The following DYNC2H1 variants were observed in gnomAD, a reference collection of about 807,000 sequenced individuals.
DYNC2H1 encodes dynein cytoplasmic 2 heavy chain 1, also known as cytoplasmic dynein 2 heavy chain 1.
In DYNC2H1, 410 loss-of-function variants were observed where a neutral mutation model predicts 570.0. The ratio of observed to expected loss-of-function variants is 0.72; its 90% CI spans 0.66 to 0.78. DYNC2H1 has a LOEUF of 0.78. Ranked by LOEUF, DYNC2H1 falls within the 30% of genes least tolerant of loss-of-function variation. The pLI is 0.00. For missense variants in DYNC2H1, 4,865 were observed against 5,046.4 expected (o/e 0.96, Z 1.09); for synonymous variants, 1,688 against 1,677.6 (o/e 1.01, Z -0.15).
At chr11:103,301,631 A>C (rs1867051115) in intron 75 of DYNC2H1, among the ~76,000 whole-genome samples, 1 of 151,976 alleles carries the variant, frequency 6.6e-6, no homozygotes, top group African/African-American at 2.4e-5. Flanking sequence ...CTCTTGGAGT[A>C]AATTTCACCT....
intron 70 of DYNC2H1, among the ~76,000 whole-genome samples, chr11:103,273,634 A>G (rs188721851): frequency 6.6e-6 from 1 of 152,138 alleles, no homozygotes; most frequent in Non-Finnish European, 1.5e-5. Context: ...TTATAATGTT[A>G]TTGTTAAATA....
intron 84 of DYNC2H1, among the ~76,000 whole-genome samples, chr11:103,411,624 A>T (rs1366871630): frequency 6.6e-6 from 1 of 152,128 alleles, no homozygotes; most frequent in African/African-American, 2.4e-5. Context: ...ATAAAGAACA[A>T]AAAGGGCTTA....
Position 103,336,987 on chromosome 11 carries a change from A to T in DYNC2H1, c.12039+12997A>T, listed in dbSNP as rs529390868. ...AACAAAATCTCTGCAGCACTGTGACATGTTCGTGATGGCCATGACGCCCAC... is the reference window on the plus strand; with the variant it reads ...AACAAAATCTCTGCAGCACTGTGACTTGTTCGTGATGGCCATGACGCCCAC... On this transcript the variant is annotated intron_variant, in intron 82 of 88. Coordinates refer to ENST00000375735, the MANE Select transcript of DYNC2H1 (RefSeq NM_001377.3). 5.3e-5 allele frequency among the ~76,000 whole-genome samples: 8 copies of T among 152,270 alleles called. No homozygotes were observed. The South Asian group carries it at 1.7e-3, about 32-fold the overall frequency.
Position 103,307,633 on chromosome 11 carries a change from A to C in DYNC2H1, c.11383-88A>C. On this transcript the variant is annotated intron_variant, in intron 77 of 88. Transcript: ENST00000375735. ...TACATCAGAATGTCACAAAAGTTTT[A>C]ATTAAAAATAGTTACTAATAATGTA... 6.3e-6 allele frequency: 4 copies of C among 631,872 alleles called. No homozygotes were observed. In the South Asian group the frequency reaches 1.2e-4, roughly 19 times the overall value. The allele number at this position is 631,872 out of a possible 1,614,324, so 39.1% of individuals were successfully genotyped here. A position where few individuals can be genotyped will look rare whatever the true frequency, so the allele number is the denominator to read the frequency against.
chr11:103,169,431 G>C (rs1447644724), intron 32 of DYNC2H1, among the ~76,000 whole-genome samples: 3 of 152,086 alleles, frequency 2.0e-5, no homozygotes, highest in Non-Finnish European at 1.5e-5. Context: ...AATTCCACCT[G>C]TTGCCTCTGC....
At chr11:103,375,220 G>A (rs1415029168) in intron 83 of DYNC2H1, among the ~76,000 whole-genome samples, 1 of 152,222 alleles carries the variant, frequency 6.6e-6, no homozygotes. Context: ...TTGAGGTTTG[G>A]AGACCTCTGC....
intron 83 of DYNC2H1, among the ~76,000 whole-genome samples, chr11:103,376,831 A>G (rs1941412287): frequency 6.6e-6 from 1 of 152,202 alleles, no homozygotes; most frequent in African/African-American, 2.4e-5. Context: ...TCTAGTAGTG[A>G]CGAATTACCT....
At chr11:103,288,886 A>G (rs1214312205) in intron 75 of DYNC2H1, among the ~76,000 whole-genome samples, 1 of 150,530 alleles carries the variant, frequency 6.6e-6, no homozygotes, top group Non-Finnish European at 1.5e-5. Flanking sequence ...ATCTCAAAAA[A>G]AAAAAAAAAA....
rs2135228742 is a variant in DYNC2H1, at chr11:103,244,720, TTA to T, written c.9919-526_9919-525del. 6.7e-6 allele frequency among the ~76,000 whole-genome samples: 1 copy of T among 148,166 alleles called. No homozygotes were observed. Among genetic ancestry groups the T allele is most frequent in the South Asian group, 2.1e-4 (1 of 4,778 alleles). ...TACATATATCACTATACTATATATC[TTA>T]TATACATATAAGTATATAAATATAC... On this transcript the variant is annotated intron_variant, in intron 64 of 88. Coordinates refer to ENST00000375735, the MANE Select transcript of DYNC2H1 (RefSeq NM_001377.3). This position sits in a 1 kb window ranked among gnomAD's most constrained non-coding sequence, Gnocchi z 4.3.
chr11:103,162,674 A>T (rs1255854541), intron 29 of DYNC2H1, among the ~76,000 whole-genome samples: 2 of 152,126 alleles, frequency 1.3e-5, no homozygotes, highest in Non-Finnish European at 2.9e-5. Context: ...ATCTGGTTTG[A>T]TTCATCATAA....
intron 36 of DYNC2H1, among the ~76,000 whole-genome samples, chr11:103,175,683 G>T (rs1317776273): frequency 6.6e-6 from 1 of 152,158 alleles, no homozygotes; most frequent in South Asian, 2.1e-4. Flanking sequence ...ATCAAAGATT[G>T]TTGCGCAGTT....
chr11:103,219,934 C>A lies in DYNC2H1; in HGVS notation c.8852C>A (p.Thr2951Lys). Reference sequence around the variant, plus strand: ...TTATAGGATGCTAGTGAGCAAAAAACAGAACTTGAAAGACTGAAGCACAGA... The same window carrying A: ...TTATAGGATGCTAGTGAGCAAAAAAAAGAACTTGAAAGACTGAAGCACAGA... Reference protein sequence around the residue: ...VSMQDASEQKTELERLKHRIA... With the variant: ...VSMQDASEQKKELERLKHRIA... Residue 2951 changes from threonine to lysine, a missense_variant, in exon 56 of 89, where the codon ACA (threonine) becomes AAA (lysine). Physicochemically the swap from Thr to Lys is moderately conservative, Grantham distance 78. Around this residue, in one of 5 missense-constraint regions of DYNC2H1, gnomAD observed 2,401 missense variants for 2,454.6 expected, o/e 0.98. Coordinates refer to ENST00000375735, the MANE Select transcript of DYNC2H1 (RefSeq NM_001377.3). 1 of 1,520,126 alleles carries A rather than the reference C, an allele frequency of 6.6e-7. No homozygotes were observed. The highest frequency in any genetic ancestry group is 8.8e-7 in the Non-Finnish European group (1 of 1,141,012). 94.2% of individuals were successfully genotyped at this position (1,520,126 alleles called of 1,614,324 possible).
intron 84 of DYNC2H1, among the ~76,000 whole-genome samples, chr11:103,423,432 A>ATT (rs1943559243): frequency 6.8e-6 from 1 of 147,628 alleles, no homozygotes; most frequent in East Asian, 2.0e-4. Context: ...AAAAAAAAAA[A>ATT]AAAAAACCCT....
chr11:103,405,789 T>G (rs1183613017), intron 84 of DYNC2H1: 4 of 151,894 alleles, frequency 2.6e-5, no homozygotes, highest in African/African-American at 9.7e-5. Flanking sequence ...GATATAGTGT[T>G]CTGATGTCTT....
In DYNC2H1 at chr11:103,154,560, C is replaced by G. The variant is rs760745171; in HGVS notation, c.3412C>G (p.Gln1138Glu). The change falls in exon 23 of 89, where the codon CAA becomes GAA. Residue 1138 changes from glutamine to glutamate, a missense_variant. Physicochemically the swap from Gln to Glu is conservative, Grantham distance 29 (BLOSUM62 2). Around this residue, in one of 5 missense-constraint regions of DYNC2H1, gnomAD observed 1,936 missense variants for 1,962.1 expected, o/e 0.99. Transcript: ENST00000375735. ...AATTTGGGCCTTTTATGAAGAGTTTCAACAAGGATTTCAGGAAATGGCCAA... is the reference window on the plus strand; with the variant it reads ...AATTTGGGCCTTTTATGAAGAGTTTGAACAAGGATTTCAGGAAATGGCCAA... ...AQIWAFYEEFQQGFQEMANED... is the reference protein window; with the variant it reads ...AQIWAFYEEFEQGFQEMANED... The G allele has an allele frequency of 6.2e-7, 1 of 1,601,390 alleles. No homozygotes were observed. Among genetic ancestry groups the G allele is most frequent in the Admixed American group, 1.7e-5 (1 of 58,166 alleles).
intron 59 of DYNC2H1, among the ~76,000 whole-genome samples, chr11:103,223,586 A>G (rs1863681865): frequency 2.9e-5 from 1 of 34,450 alleles, no homozygotes; most frequent in African/African-American, 1.1e-4. Context: ...CTAAAATAAC[A>G]TGTTGGTCAG....
chr11:103,134,290 T>A, intron 14 of DYNC2H1, 31 bp from the exon 15 acceptor site: 1 of 1,599,286 alleles, frequency 6.3e-7, no homozygotes, highest in Middle Eastern at 1.7e-4. Context: ...CCAGCAATAC[T>A]TTGAGACTAG....
At chr11:103,153,794 A>G (rs1860681767) in intron 22 of DYNC2H1, among the ~76,000 whole-genome samples, 1 of 151,982 alleles carries the variant, frequency 6.6e-6, no homozygotes, top group Non-Finnish European at 1.5e-5. Context: ...TCCTATTTAA[A>G]AATGAAATAT....
chr11:103,294,052 C>G (rs2135376133), intron 75 of DYNC2H1, among the ~76,000 whole-genome samples: 1 of 152,306 alleles, frequency 6.6e-6, no homozygotes, highest in East Asian at 1.9e-4. Context: ...GCACTCCAGC[C>G]TGGGCTAGTG....
Sources: gnomAD v4.1 joint callset for allele counts (sites outside exome capture counted in the v4.1 genomes callset) on GRCh38, gnomAD v4.1.1 for gene constraint, gnomAD v4.1.1 regional missense constraint, Gnocchi (gnomAD v3.1) non-coding constraint, MANE v1.5 for transcripts, NCBI Gene and HGNC (gene_info 2026-07-23, HGNC 2026-07-21) for gene names.